The following EPM2A variants were observed in gnomAD, a reference collection of about 807,000 sequenced individuals.
The protein encoded by EPM2A is EPM2A glucan phosphatase, laforin.
Under a neutral mutation model 26.5 loss-of-function variants are expected in EPM2A, and 21 were observed. The observed-to-expected ratio is 0.79, with a 90% CI of 0.56 to 1.14. The LOEUF (loss-of-function observed/expected upper bound fraction) is 1.14, where lower values mean the gene tolerates loss of function less well. Ranked by LOEUF, EPM2A falls within the 50% of genes most tolerant of loss-of-function variation. EPM2A has a pLI of 0.00. For synonymous variants in EPM2A, 217 were observed against 177.6 expected (o/e 1.22, Z -1.76); for missense variants, 458 against 440.8 (o/e 1.04, Z -0.35).
At chr6:145,668,820 A>G (rs1040829116) in intron 2 of EPM2A, among the ~76,000 whole-genome samples, 5 of 152,222 alleles carry the variant, frequency 3.3e-5, no homozygotes, top group African/African-American at 1.2e-4. Flanking sequence ...ATTATTTGTA[A>G]AACATCTAAA....
intron 4 of EPM2A, among the ~76,000 whole-genome samples, chr6:145,440,718 G>A (rs1396818325): frequency 6.6e-6 from 1 of 152,208 alleles, no homozygotes; most frequent in Non-Finnish European, 1.5e-5. Context: ...AAAATCCAGT[G>A]GGGCAGTCAA....
At chr6:145,481,412 A>G (rs1339585282) in intron 4 of EPM2A, among the ~76,000 whole-genome samples, 3 of 152,118 alleles carry the variant, frequency 2.0e-5, no homozygotes, top group Non-Finnish European at 4.4e-5. Context: ...TAAATATCAC[A>G]CTATTTCAAG....
intron 4 of EPM2A, among the ~76,000 whole-genome samples, chr6:145,462,358 CT>C (rs1190198897): frequency 1.3e-5 from 2 of 152,044 alleles, no homozygotes; most frequent in African/African-American, 4.8e-5. Context: ...ATATCATTCC[CT>C]TTTTGCATGA....
chr6:145,708,055 T>C (rs1162733167), intron 1 of EPM2A, among the ~76,000 whole-genome samples: 1 of 152,196 alleles, frequency 6.6e-6, no homozygotes, highest in African/African-American at 2.4e-5. Context: ...AGGTCACTCT[T>C]GCTATGCAAA....
intron 2 of EPM2A, among the ~76,000 whole-genome samples, chr6:145,680,326 T>TG (rs1244442735): frequency 3.9e-5 from 5 of 128,424 alleles, no homozygotes; most frequent in Non-Finnish European, 6.8e-5. Context: ...TAACATGGAA[T>TG]GGGTGCTAAT....
intron 2 of EPM2A, among the ~76,000 whole-genome samples, chr6:145,592,490 T>C (rs1462064669): frequency 6.6e-6 from 1 of 152,192 alleles, no homozygotes; most frequent in Non-Finnish European, 1.5e-5. Flanking sequence ...TGTGTCTTTA[T>C]AGCAGCATGA....
chr6:145,446,304 A>C (rs180889308), intron 4 of EPM2A, among the ~76,000 whole-genome samples: 3 of 152,352 alleles, frequency 2.0e-5, no homozygotes, highest in Admixed American at 2.0e-4. Context: ...AAAGTAACTG[A>C]AACACTATGA....
intron 2 of EPM2A, among the ~76,000 whole-genome samples, chr6:145,558,625 C>A (rs909574606): frequency 1.3e-5 from 2 of 151,976 alleles, no homozygotes; most frequent in African/African-American, 4.8e-5. Flanking sequence ...ATTTGCATTT[C>A]TCTGATGATT....
intron 3 of EPM2A, chr6:145,628,446 C>G (rs1458796299): frequency 6.6e-6 from 1 of 152,262 alleles, no homozygotes; most frequent in East Asian, 1.9e-4. Flanking sequence ...TCTCTCATCC[C>G]GTGGGACAGA....
chr6:145,498,303 G>A (rs1429890807), downstream of EPM2A, among the ~76,000 whole-genome samples: 1 of 152,176 alleles, frequency 6.6e-6, no homozygotes, highest in Non-Finnish European at 1.5e-5. Flanking sequence ...ATGGAAGTGG[G>A]GCCCTCAGAC....
intron 1 of EPM2A, among the ~76,000 whole-genome samples, chr6:145,714,282 T>A (rs536379648): frequency 6.6e-6 from 1 of 152,344 alleles, no homozygotes; most frequent in South Asian, 2.1e-4. Flanking sequence ...AGTATTTGCA[T>A]ATAACATACA....
chr6:145,649,196 G>A (rs1301228935), intron 2 of EPM2A, among the ~76,000 whole-genome samples: 1 of 152,144 alleles, frequency 6.6e-6, no homozygotes, highest in African/African-American at 2.4e-5. Flanking sequence ...AGGTAGGAAG[G>A]TGGCTCAGAG....
chr6:145,692,133 A>T (rs1264650855), intron 1 of EPM2A, among the ~76,000 whole-genome samples: 1 of 152,050 alleles, frequency 6.6e-6, no homozygotes, highest in Non-Finnish European at 1.5e-5. Context: ...AGGGGAAATT[A>T]TACAATGTTT....
chr6:145,397,252 G>A (rs543324640), intron 4 of EPM2A, among the ~76,000 whole-genome samples: 102 of 152,108 alleles, frequency 6.7e-4, no homozygotes, highest in African/African-American at 2.1e-3. Flanking sequence ...GATAAATAGC[G>A]AGAACACGTC....
intron 2 of EPM2A, among the ~76,000 whole-genome samples, chr6:145,546,482 C>G (rs1332017137): frequency 6.6e-6 from 1 of 152,132 alleles, no homozygotes; most frequent in Non-Finnish European, 1.5e-5. Flanking sequence ...GAAATAGCCT[C>G]ACAGACATAC....
At chr6:145,421,014 A>G (rs963349515) in intron 4 of EPM2A, among the ~76,000 whole-genome samples, 1 of 152,206 alleles carries the variant, frequency 6.6e-6, no homozygotes, top group Non-Finnish European at 1.5e-5. Context: ...GCACTGTTGC[A>G]CTGGAAATTA....
intron 1 of EPM2A, among the ~76,000 whole-genome samples, chr6:145,717,676 T>C (rs1423564879): frequency 6.6e-6 from 1 of 151,340 alleles, no homozygotes; most frequent in Non-Finnish European, 1.5e-5. Flanking sequence ...GGAAGTCAAA[T>C]TGTCCCTGTT....
At chr6:145,425,202 C>G (rs1778839854) in intron 4 of EPM2A, among the ~76,000 whole-genome samples, 1 of 151,514 alleles carries the variant, frequency 6.6e-6, no homozygotes, top group Admixed American at 6.6e-5. Flanking sequence ...TTGACGTAGT[C>G]TTGCTCTGCC....
chr6:145,401,283 CA>C (rs1778482509), intron 4 of EPM2A, among the ~76,000 whole-genome samples: 1 of 152,012 alleles, frequency 6.6e-6, no homozygotes. Context: ...TATTTGTACC[CA>C]TCTTTTTATA....
Sources: allele counts gnomAD v4.1 joint callset (sites outside exome capture counted in the v4.1 genomes callset), GRCh38; gene constraint gnomAD v4.1.1; transcripts MANE v1.5; gene names NCBI Gene and HGNC (gene_info 2026-07-23, HGNC 2026-07-21).